DDX10: variants seen among roughly 807,000 people sequenced by gnomAD.
DDX10 encodes probable ATP-dependent RNA helicase DDX10.
Under a neutral mutation model 104.3 loss-of-function variants are expected in DDX10, and 74 were observed. The ratio of observed to expected loss-of-function variants is 0.71; its 90% CI spans 0.59 to 0.86. The LOEUF is 0.86. DDX10 is among the 40% of genes least tolerant of loss of function. The pLI is 0.00. For synonymous variants in DDX10, 351 were observed against 353.4 expected, an observed-to-expected ratio of 0.99 and a Z score of 0.08; for missense variants, 952 against 1,040.0, an observed-to-expected ratio of 0.92 and a Z score of 1.16.
intron 12 of DDX10, among the ~76,000 whole-genome samples, chr11:108,721,736 AT>A (rs1565258228): frequency 6.6e-6 from 1 of 152,248 alleles, no homozygotes; most frequent in African/African-American, 2.4e-5. Flanking sequence ...TGTAAGATAT[AT>A]TAAAGGTTTT....
intron 10 of DDX10, among the ~76,000 whole-genome samples, chr11:108,714,528 CTTT>C (rs11355789): frequency 8.4e-5 from 12 of 142,184 alleles, no homozygotes; most frequent in Non-Finnish European, 1.2e-4. Context: ...AAGTCTGACT[CTTT>C]TTTTTTTTTT....
At chr11:108,813,805 A>G (rs1862219371) in intron 13 of DDX10, among the ~76,000 whole-genome samples, 1 of 152,134 alleles carries the variant, frequency 6.6e-6, no homozygotes, top group East Asian at 1.9e-4. Context: ...AATTATTCCA[A>G]TATTGCTCAT....
chr11:108,682,522 A>T (rs2094236894), intron 6 of DDX10, among the ~76,000 whole-genome samples: 1 of 152,142 alleles, frequency 6.6e-6, no homozygotes. Context: ...CTATGTTTTT[A>T]GATTTGTCTT....
At chr11:108,672,371 G>A (rs1591786796) in intron 1 of DDX10, among the ~76,000 whole-genome samples, 1 of 152,150 alleles carries the variant, frequency 6.6e-6, no homozygotes, top group African/African-American at 2.4e-5. Context: ...TAATTTTAAT[G>A]CCTTGTTTGG....
chr11:108,808,257 T>C (rs1862127326), intron 13 of DDX10, among the ~76,000 whole-genome samples: 1 of 152,020 alleles, frequency 6.6e-6, no homozygotes, highest in Non-Finnish European at 1.5e-5. Context: ...AAACCATGTG[T>C]TGGGGGATAC....
chr11:108,690,481 T>C (rs956239995), intron 7 of DDX10: 1 of 155,018 alleles, frequency 6.5e-6, no homozygotes, highest in African/African-American at 2.4e-5. Flanking sequence ...CTGCAAGGGC[T>C]GGTGAGCTTG....
At chr11:108,702,310 T>C (rs1305981527) in intron 9 of DDX10, among the ~76,000 whole-genome samples, 1 of 152,216 alleles carries the variant, frequency 6.6e-6, no homozygotes, top group Non-Finnish European at 1.5e-5. Flanking sequence ...AATGTTTTTT[T>C]CGTGTATGTC....
chr11:108,698,332 A>T (rs1179436107), intron 9 of DDX10, among the ~76,000 whole-genome samples: 2 of 152,248 alleles, frequency 1.3e-5, no homozygotes, highest in African/African-American at 4.8e-5. Flanking sequence ...GATATAAGAT[A>T]GGAGCAATCT....
intron 4 of DDX10, 134 bp downstream of exon 4, chr11:108,677,377 T>C: frequency 1.4e-6 from 1 of 737,786 alleles, no homozygotes; most frequent in Non-Finnish European, 2.1e-6. Context: ...ATAGTAGCAC[T>C]TGGTGTGGTC....
chr11:108,761,063 T>C (rs935805881), intron 13 of DDX10, among the ~76,000 whole-genome samples: 12 of 152,064 alleles, frequency 7.9e-5, no homozygotes, highest in African/African-American at 2.9e-4. Flanking sequence ...AATACAAATA[T>C]AAGGTATAAA....
intron 13 of DDX10, among the ~76,000 whole-genome samples, chr11:108,822,974 G>A (rs1862346827): frequency 6.6e-6 from 1 of 152,164 alleles, no homozygotes; most frequent in South Asian, 2.1e-4. Flanking sequence ...GTTTTTGGAG[G>A]GTTTGGAGTT....
chr11:108,900,755 C>T (rs1275296276), intron 16 of DDX10, among the ~76,000 whole-genome samples: 2 of 152,190 alleles, frequency 1.3e-5, no homozygotes, highest in Middle Eastern at 3.4e-3. Context: ...TGGAATTGTA[C>T]CTGGTTGGGA....
At chr11:108,819,137 A>G (rs966326867) in intron 13 of DDX10, among the ~76,000 whole-genome samples, 1 of 151,918 alleles carries the variant, frequency 6.6e-6, no homozygotes, top group African/African-American at 2.4e-5. Context: ...CATCACTGTA[A>G]CTGTCTTAGC....
chr11:108,913,546 G>A (rs1285597202), intron 16 of DDX10, among the ~76,000 whole-genome samples: 1 of 152,140 alleles, frequency 6.6e-6, no homozygotes. Context: ...CAAATTGCGA[G>A]GGAGGTATGT....
intron 16 of DDX10, among the ~76,000 whole-genome samples, chr11:108,865,563 T>A (rs969032666): frequency 6.6e-6 from 1 of 152,096 alleles, no homozygotes; most frequent in East Asian, 1.9e-4. Flanking sequence ...GAGGGTCTTA[T>A]CAGGTTTTTT....
At chr11:108,782,329 T>A (rs1227036585) in intron 13 of DDX10, among the ~76,000 whole-genome samples, 8 of 152,218 alleles carry the variant, frequency 5.3e-5, no homozygotes, top group Non-Finnish European at 1.2e-4. Context: ...TCAATTCATT[T>A]AGCTATCATC....
chr11:108,874,796 G>GT (rs544039530), intron 16 of DDX10, among the ~76,000 whole-genome samples: 26 of 151,224 alleles, frequency 1.7e-4, no homozygotes, highest in Middle Eastern at 3.4e-3. Flanking sequence ...AGCCAGACTT[G>GT]TTTTTTTTTA....
chr11:108,716,698 G>A (rs1298013194), intron 11 of DDX10, among the ~76,000 whole-genome samples: 1 of 152,134 alleles, frequency 6.6e-6, no homozygotes, highest in Admixed American at 6.5e-5. Context: ...TTTAACTTAC[G>A]TTTATGACTT....
chr11:108,937,134 GAGGTGCCACATTTACAGCAAACACC>G (rs1481306268), intron 17 of DDX10, among the ~76,000 whole-genome samples: 1 of 152,206 alleles, frequency 6.6e-6, no homozygotes, highest in Non-Finnish European at 1.5e-5. Flanking sequence ...CCAGAAGAGG[GAGGTGCCACATTTACAGCAAACACC>G]GTGGAAATGC....
Sources: allele counts gnomAD v4.1 joint callset (sites outside exome capture counted in the v4.1 genomes callset), GRCh38; gene constraint gnomAD v4.1.1; transcripts MANE v1.5; gene names NCBI Gene and HGNC (gene_info 2026-07-23, HGNC 2026-07-21).